KLHL3: variants seen among roughly 807,000 people sequenced by gnomAD.
The protein encoded by KLHL3 is kelch like family member 3.
Under a neutral mutation model 70.5 loss-of-function variants are expected in KLHL3, and 19 were observed. The ratio of observed to expected loss-of-function variants is 0.27; its 90% CI spans 0.19 to 0.40. KLHL3 has a LOEUF of 0.40. Ranked by LOEUF, KLHL3 falls within the 10% of genes least tolerant of loss-of-function variation. The pLI, the probability that KLHL3 is intolerant of heterozygous loss-of-function variation, is 1.00. For synonymous variants in KLHL3, 258 were observed against 290.3 expected, an observed-to-expected ratio of 0.89 and a Z score of 1.13; for missense variants, 512 against 771.1, an observed-to-expected ratio of 0.66 and a Z score of 3.98.
intron 11 of KLHL3, among the ~76,000 whole-genome samples, chr5:137,634,658 C>A (rs1750724584): frequency 6.6e-6 from 1 of 152,158 alleles, no homozygotes; most frequent in African/African-American, 2.4e-5. Flanking sequence ...TTGTCTCTAC[C>A]CCTTCCACAA....
intron 1 of KLHL3, among the ~76,000 whole-genome samples, chr5:137,726,912 A>G (rs1753094085): frequency 6.6e-6 from 1 of 152,100 alleles, no homozygotes; most frequent in Admixed American, 6.6e-5. Context: ...AAATATACAT[A>G]AAATAGTAAT....
rs961274146 is a variant in KLHL3, at chr5:137,621,035, G to A, written c.*1063C>T. 2.0e-5 allele frequency: 3 copies of A among 152,370 alleles called. No homozygotes were observed. The highest frequency in any genetic ancestry group is 6.5e-5 in the Admixed American group (1 of 15,282). The allele number at this position is 152,370 out of a possible 1,614,324, so 9.4% of individuals were successfully genotyped here. On this transcript the variant is annotated 3_prime_UTR_variant, in exon 15 of 15. Coordinates refer to ENST00000309755, the MANE Select transcript of KLHL3 (RefSeq NM_017415.3). ...AGGCACAAATCTATCTTTGGGTCTG[G>A]AGGAGGGTGACCTCTTATTTATCCT...
chr5:137,726,336 T>C (rs978654431), intron 1 of KLHL3, among the ~76,000 whole-genome samples: 4 of 152,192 alleles, frequency 2.6e-5, no homozygotes, highest in Non-Finnish European at 5.9e-5. Flanking sequence ...TGACCTGGAC[T>C]GAACCTAAAT....
At chr5:137,640,687 G>C (rs1019793403) in intron 8 of KLHL3, among the ~76,000 whole-genome samples, 6 of 151,998 alleles carry the variant, frequency 3.9e-5, no homozygotes, top group Non-Finnish European at 8.8e-5. Context: ...AAGAGTGTAG[G>C]CAGAGACTGA....
chr5:137,722,218 A>G (rs1030646236), intron 1 of KLHL3, among the ~76,000 whole-genome samples: 1 of 152,236 alleles, frequency 6.6e-6, no homozygotes, highest in Non-Finnish European at 1.5e-5. Context: ...TATAGATCTC[A>G]CACTGGAATT....
intron 12 of KLHL3, among the ~76,000 whole-genome samples, chr5:137,631,223 T>A (rs1004511661): frequency 1.3e-5 from 2 of 152,162 alleles, no homozygotes; most frequent in Non-Finnish European, 2.9e-5. Flanking sequence ...AAAGAGCCAG[T>A]GGACTGATGC....
chr5:137,685,758 A>G (rs1752146859), intron 5 of KLHL3, among the ~76,000 whole-genome samples: 1 of 152,154 alleles, frequency 6.6e-6, no homozygotes, highest in African/African-American at 2.4e-5. Context: ...GCTACACATG[A>G]ATGCTTGAGC....
intron 2 of KLHL3, among the ~76,000 whole-genome samples, chr5:137,718,156 A>T (rs1190073316): frequency 6.6e-6 from 1 of 152,240 alleles, no homozygotes; most frequent in Non-Finnish European, 1.5e-5. Context: ...CTCACAGAGC[A>T]TCTTAAGGGA....
intron 3 of KLHL3, among the ~76,000 whole-genome samples, chr5:137,707,935 C>A (rs1050885857): frequency 6.6e-6 from 1 of 152,152 alleles, no homozygotes; most frequent in Admixed American, 6.5e-5. Flanking sequence ...CCAAACTCCA[C>A]ACACAAAGAA....
chr5:137,714,480 A>T (rs752204981), intron 2 of KLHL3, among the ~76,000 whole-genome samples: 2 of 152,240 alleles, frequency 1.3e-5, no homozygotes, highest in Admixed American at 6.5e-5. Context: ...GTGTACTGAG[A>T]CATGCTACAA....
chr5:137,732,002 C>T (rs1430266986), intron 1 of KLHL3, among the ~76,000 whole-genome samples: 1 of 152,182 alleles, frequency 6.6e-6, no homozygotes, highest in Non-Finnish European at 1.5e-5. Context: ...TTCCCCACTC[C>T]TCCCTCCCTC....
At chr5:137,727,552 G>C (rs574494509) in intron 1 of KLHL3, among the ~76,000 whole-genome samples, 20 of 152,178 alleles carry the variant, frequency 1.3e-4, no homozygotes, top group Non-Finnish European at 2.6e-4. Flanking sequence ...TAAAATACTT[G>C]CAATAGCCAA....
intron 14 of KLHL3, among the ~76,000 whole-genome samples, chr5:137,624,579 C>G (rs1172298667): frequency 6.6e-6 from 1 of 152,220 alleles, no homozygotes; most frequent in African/African-American, 2.4e-5. Context: ...CAAATTTGCA[C>G]AGCACAATCT....
intron 1 of KLHL3, among the ~76,000 whole-genome samples, chr5:137,725,621 C>T (rs1357537585): frequency 1.3e-5 from 2 of 152,222 alleles, no homozygotes; most frequent in Non-Finnish European, 2.9e-5. Context: ...AATCTCTGCT[C>T]TTTGCTATAG....
Position 137,628,322 on chromosome 5 carries a change from G to A in KLHL3, c.1566C>T (p.Asp522=), listed in dbSNP as rs768057381. The change falls in exon 13 of 15, where the codon GAC becomes GAT. Residue 522 remains aspartate, a synonymous_variant. Coordinates refer to ENST00000309755, the MANE Select transcript of KLHL3 (RefSeq NM_017415.3). ...CTGCGTTGCGCCGGCACATGTTCAT[G>A]TCTGCCACTTGCTTCCAGGTATTTG... The part of the protein sequence containing the change: ...PGTNTWKQVA[D]MNMCRRNAGV... 1.5e-5 allele frequency: 24 copies of A among 1,614,088 alleles called. No homozygotes were observed. In the Admixed American group the frequency reaches 3.5e-4, roughly 24 times the overall value.
intron 7 of KLHL3, 69 bp downstream of exon 7, chr5:137,661,846 G>C (rs1580741050): frequency 1.2e-6 from 1 of 865,242 alleles, no homozygotes; most frequent in East Asian, 2.4e-5. Context: ...ATCCAACCAG[G>C]ATTGCCCATT....
intron 8 of KLHL3, chr5:137,647,444 A>AT: frequency 6.6e-6 from 3 of 455,374 alleles, no homozygotes; most frequent in African/African-American, 2.0e-5. Context: ...CCTCAGGACT[A>AT]CATAGGTCAT....
chr5:137,706,845 T>C (rs1561614920), intron 3 of KLHL3, among the ~76,000 whole-genome samples: 1 of 152,160 alleles, frequency 6.6e-6, no homozygotes, highest in South Asian at 2.1e-4. Flanking sequence ...AGCAGGGACA[T>C]GGTGGTGAAT....
At chr5:137,732,294 G>A (rs763698878) in intron 1 of KLHL3, among the ~76,000 whole-genome samples, 42 of 151,986 alleles carry the variant, frequency 2.8e-4, no homozygotes, top group Non-Finnish European at 5.3e-4. Context: ...TTCTCCCATG[G>A]AGGGAACTGG....
Sources: gnomAD v4.1 joint callset for allele counts (sites outside exome capture counted in the v4.1 genomes callset) on GRCh38, gnomAD v4.1.1 for gene constraint, MANE v1.5 for transcripts, NCBI Gene and HGNC (gene_info 2026-07-23, HGNC 2026-07-21) for gene names.